ITGB4: variants seen among roughly 807,000 people sequenced by gnomAD.
ITGB4 encodes the protein integrin beta-4.
A neutral mutation model predicts 207.6 loss-of-function variants in ITGB4; 159 were observed. The ratio of observed to expected loss-of-function variants is 0.77; its 90% CI spans 0.67 to 0.87. ITGB4 has a LOEUF of 0.87. Among genes scored for constraint, ITGB4 ranks in the 40% least tolerant of loss-of-function variants. The pLI, the probability that ITGB4 is intolerant of heterozygous loss-of-function variation, is 0.00. For missense variants in ITGB4, 2,278 were observed against 2,546.8 expected (o/e 0.89, Z 2.27); for synonymous variants, 1,020 against 1,062.7 (o/e 0.96, Z 0.78).
intron 26 of ITGB4, among the ~76,000 whole-genome samples, chr17:75,745,320 G>A (rs1025293729): frequency 1.3e-5 from 2 of 152,186 alleles, no homozygotes; most frequent in African/African-American, 4.8e-5. Context: ...TTGAGGCCAG[G>A]AGGTTGAGGC....
At position 75,750,291 on chromosome 17, in the gene ITGB4, A is replaced by G; in HGVS notation, c.3474+23A>G. The G allele has an allele frequency of 1.3e-6, 2 of 1,591,800 alleles. No individual in the cohort carries two copies. Among genetic ancestry groups the G allele is most frequent in the African/African-American group, 1.3e-5 (1 of 74,636 alleles). ...AGGGTAAGGCGGGGGGCTGAGGGTC[A>G]CGACAGGTGGATGGGCGGTCTGGCA... On this transcript the variant is annotated intron_variant, in intron 28 of 39. Coordinates refer to ENST00000200181, the MANE Select transcript of ITGB4 (RefSeq NM_000213.5). The surrounding 1 kb of genome is among the most constrained non-coding windows in gnomAD (Gnocchi z 5.5).
At chr17:75,737,282 G>A in intron 16 of ITGB4, 40 bp from the exon 17 acceptor site, 2 of 1,576,126 alleles carry the variant, frequency 1.3e-6, no homozygotes, top group South Asian at 1.2e-5. Flanking sequence ...GGGGCGGAGG[G>A]GTGTGGCTGG....
intron 1 of ITGB4, among the ~76,000 whole-genome samples, chr17:75,723,480 G>A (rs1252533636): frequency 6.6e-6 from 1 of 152,204 alleles, no homozygotes; most frequent in Non-Finnish European, 1.5e-5. Flanking sequence ...GAGGCTGCAA[G>A]GAAGTCATTT....
chr17:75,724,442 G>T (rs894623217), intron 1 of ITGB4, among the ~76,000 whole-genome samples: 1 of 152,258 alleles, frequency 6.6e-6, no homozygotes, highest in East Asian at 1.9e-4. Flanking sequence ...GGACAAACTC[G>T]CAAACCAGAG....
chr17:75,753,766 C>A lies in ITGB4; in HGVS notation c.4110C>A (p.Gly1370=). ...SQRPSVSDDT[G]CGWKFEPLLG... is the part of the protein sequence containing the mutation. ...ACGCGGCCCTTCGTTGTTCCCAAGG[C>A]TGCGGCTGGAAGTTCGAGCCCCTGC... Residue 1370 remains glycine, a splice_region_variant and synonymous_variant, in exon 33 of 40, where the codon GGC becomes GGA. Coordinates refer to ENST00000200181, the MANE Select transcript of ITGB4 (RefSeq NM_000213.5). 2 of 1,441,592 alleles carry A rather than the reference C, an allele frequency of 1.4e-6. No homozygotes were observed. The highest frequency in any genetic ancestry group is 2.8e-5 in the East Asian group (1 of 36,322). The allele number at this position is 1,441,592 out of a possible 1,614,324, so 89.3% of individuals were successfully genotyped here. A position where few individuals can be genotyped will look rare whatever the true frequency, so the allele number is the denominator to read the frequency against.
At chr17:75,724,853 G>A in intron 2 of ITGB4, 71 bp downstream of exon 2, 6 of 1,289,782 alleles carry the variant, frequency 4.7e-6, no homozygotes, top group Non-Finnish European at 6.7e-6. Flanking sequence ...CCTTGCACGG[G>A]GATCTCACGG....
intron 8 of ITGB4, 112 bp downstream of exon 8, chr17:75,730,616 C>T (rs2060835098): frequency 2.7e-6 from 3 of 1,129,560 alleles, no homozygotes; most frequent in Non-Finnish European, 3.8e-6. Context: ...CTCCCTTCCT[C>T]CCTCCCTCTT....
rs2061213428 is a variant in ITGB4, at chr17:75,745,493, G to C, written c.3111+1632G>C. ...TCATGCATGTAATCCCAACACTGTG[G>C]GAGGGCACAGTGGGAGGATCACTTG... On this transcript the variant is annotated intron_variant, in intron 26 of 39. Transcript: ENST00000200181. 2.6e-5 allele frequency among the ~76,000 whole-genome samples: 4 copies of C among 152,200 alleles called. No individual in the cohort carries two copies. The South Asian group carries it at 8.3e-4, about 32-fold the overall frequency.
chr17:75,748,680 AC>A (rs1367022757), intron 26 of ITGB4, among the ~76,000 whole-genome samples, 160 bp from the exon 27 acceptor site: 1 of 151,692 alleles, frequency 6.6e-6, no homozygotes, highest in Non-Finnish European at 1.5e-5. Context: ...AAAAAAAAAA[AC>A]AAACAAAAAA....
chr17:75,752,422 C>T lies in ITGB4; in HGVS notation c.3977-24C>T, dbSNP rs753645083. The T allele has an allele frequency of 1.3e-4, 202 of 1,612,856 alleles. No individual in the cohort carries two copies. The highest frequency in any genetic ancestry group is 1.6e-4 in the Middle Eastern group (1 of 6,084). The stretch of plus-strand genomic sequence containing the variant: ...GGGGCAGGGGGCAGCAGCCAGGGCC[C>T]TGGCTCACTCCCCTGCCCTGCAGTC... On this transcript the variant is annotated intron_variant, in intron 31 of 39. Transcript: ENST00000200181.
chr17:75,730,131 G>A, intron 7 of ITGB4, 110 bp from the exon 8 acceptor site: 1 of 1,441,884 alleles, frequency 6.9e-7, no homozygotes, highest in Non-Finnish European at 9.6e-7. Flanking sequence ...GAATCCAGTG[G>A]CTTAAGCCCA....
intron 8 of ITGB4, 84 bp downstream of exon 8, chr17:75,730,588 C>A: frequency 8.4e-7 from 1 of 1,194,358 alleles, no homozygotes; most frequent in South Asian, 1.4e-5. Context: ...CTCCCTCCCT[C>A]CCTCCCTCCC....
chr17:75,752,456 C>G lies in ITGB4; in HGVS notation c.3987C>G (p.Ile1329Met). The part of the protein sequence containing the change: ...QPKRPMSIPI[I>M]PDIPIVDAQS... ...TCCCCTGCCCTGCAGTCCCCATCATCCCTGACATCCCTATCGTGGACGCCC... is the reference window on the plus strand; with the variant it reads ...TCCCCTGCCCTGCAGTCCCCATCATGCCTGACATCCCTATCGTGGACGCCC... Residue 1329 changes from isoleucine to methionine, a missense_variant, in exon 32 of 40, where the codon ATC (isoleucine) becomes ATG (methionine). Coordinates refer to ENST00000200181, the MANE Select transcript of ITGB4 (RefSeq NM_000213.5). 1 of 1,613,530 alleles carries G rather than the reference C, an allele frequency of 6.2e-7. No individual in the cohort carries two copies. Among genetic ancestry groups the G allele is most frequent in the South Asian group, 1.1e-5 (1 of 91,088 alleles).
At chr17:75,724,262 C>T (rs535905603) in intron 1 of ITGB4, among the ~76,000 whole-genome samples, 1 of 152,356 alleles carries the variant, frequency 6.6e-6, no homozygotes, top group East Asian at 1.9e-4. Flanking sequence ...GTAAGTGGGC[C>T]AGGACAGAAG....
Position 75,729,334 on chromosome 17 carries a change from T to C in ITGB4, c.636T>C (p.Asp212=), listed in dbSNP as rs773550730. 5 of 1,613,902 alleles carry C rather than the reference T, an allele frequency of 3.1e-6. No individual in the cohort carries two copies. The East Asian group carries it at 1.1e-4, about 36-fold the overall frequency. Residue 212 remains aspartate (D), a synonymous_variant, in exon 7 of 40, where the codon GAT becomes GAC. Coordinates refer to ENST00000200181, the MANE Select transcript of ITGB4 (RefSeq NM_000213.5). This position sits in a 1 kb window ranked among gnomAD's most constrained non-coding sequence, Gnocchi z 4.4. The part of the protein sequence containing the change: ...SFKNVISLTE[D]VDEFRNKLQG... ...AGAACGTCATCAGCCTGACAGAAGA[T>C]GTGGATGAGTTCCGGAATAAACTGC... is the stretch of plus-strand genomic sequence containing the variant.
chr17:75,750,650 G>A lies in ITGB4; in HGVS notation c.3475-30G>A, dbSNP rs1319642277. The A allele has an allele frequency of 6.2e-7, 1 of 1,608,364 alleles. No homozygotes were observed. Among genetic ancestry groups the A allele is most frequent in the Admixed American group, 1.7e-5 (1 of 59,760 alleles). On this transcript the variant is annotated intron_variant, in intron 28 of 39. Coordinates refer to ENST00000200181, the MANE Select transcript of ITGB4 (RefSeq NM_000213.5). The surrounding 1 kb of genome is among the most constrained non-coding windows in gnomAD (Gnocchi z 5.5). ...GCAGCTTGGGTGCCTGCTGCTCCCT[G>A]CTGACCAGGACCCCTGTCCCTGGGG...
In ITGB4 at chr17:75,756,988, G is replaced by C. The variant is rs536280262; in HGVS notation, c.5099G>C (p.Arg1700Pro). Residue 1700 changes from arginine (R) to proline (P), a missense_variant, in exon 38 of 40, where the codon CGG (arginine) becomes CCG (proline). Coordinates refer to ENST00000200181, the MANE Select transcript of ITGB4 (RefSeq NM_000213.5). ...GTGGATGGAGACAGCCCCGAGAGCC[G>C]GCTGACCGTGCCGGGCCTCAGCGAG... ...FRVDGDSPES[R>P]LTVPGLSENV... 6 of 1,612,830 alleles carry C rather than the reference G, an allele frequency of 3.7e-6. No individual in the cohort carries two copies. The highest frequency in any genetic ancestry group is 5.1e-6 in the Non-Finnish European group (6 of 1,179,944).
In ITGB4 at chr17:75,757,321, AGG is replaced by A; in HGVS notation, c.5329+13_5329+14del. Reference sequence around the variant, plus strand: ...AGCCCTTCCTAGTGGGTGAGCACTGAGGGCTAGGGGATCCCGGCTCTCCTGGG... The same window carrying A: ...AGCCCTTCCTAGTGGGTGAGCACTGAGCTAGGGGATCCCGGCTCTCCTGGG... On this transcript the variant is annotated intron_variant, in intron 39 of 39. Transcript: ENST00000200181. 1 of 1,612,486 alleles carries A rather than the reference AGG, an allele frequency of 6.2e-7. No homozygotes were observed. The highest frequency in any genetic ancestry group is 8.5e-7 in the Non-Finnish European group (1 of 1,179,924).
Position 75,732,254 on chromosome 17 carries a change from G to C in ITGB4, c.1454+15G>C. ...AGCGAGGGCTGGTGAGTGGGGAAGG[G>C]AGTTGGGCACCCAGGACACCAGTGG... On this transcript the variant is annotated intron_variant, in intron 12 of 39. Coordinates refer to ENST00000200181, the MANE Select transcript of ITGB4 (RefSeq NM_000213.5). This position sits in a 1 kb window ranked among gnomAD's most constrained non-coding sequence, Gnocchi z 5.3. 6.2e-7 allele frequency: 1 copy of C among 1,613,400 alleles called. No individual in the cohort carries two copies. Among genetic ancestry groups the C allele is most frequent in the Non-Finnish European group, 8.5e-7 (1 of 1,179,622 alleles).
Sources: gnomAD v4.1 joint callset for allele counts (sites outside exome capture counted in the v4.1 genomes callset) on GRCh38, gnomAD v4.1.1 for gene constraint, Gnocchi (gnomAD v3.1) non-coding constraint, MANE v1.5 for transcripts, NCBI Gene and HGNC (gene_info 2026-07-23, HGNC 2026-07-21) for gene names.